The following STRA6 variants were observed in gnomAD, a reference collection of about 807,000 sequenced individuals.
STRA6 encodes the protein signaling receptor and transporter of retinol STRA6.
In STRA6, 48 loss-of-function variants were observed where a neutral mutation model predicts 83.6. The ratio of observed to expected loss-of-function variants is 0.57; its 90% CI spans 0.46 to 0.73. STRA6 has a LOEUF of 0.73. Ranked by LOEUF, STRA6 falls within the 30% of genes least tolerant of loss-of-function variation. STRA6 has a pLI of 0.00. For synonymous variants in STRA6, 353 were observed against 362.3 expected (o/e 0.97, Z 0.29); for missense variants, 760 against 838.8 (o/e 0.91, Z 1.16).
intron 5 of STRA6, 34 bp from the exon 6 acceptor site, chr15:74,195,709 A>G: frequency 1.8e-6 from 2 of 1,138,512 alleles, no homozygotes; most frequent in Non-Finnish European, 2.6e-6. Context: ...TATATTAGCA[A>G]GGGCAAAATG....
At chr15:74,184,844 C>A in intron 13 of STRA6, 136 bp downstream of exon 13, 2 of 837,704 alleles carry the variant, frequency 2.4e-6, no homozygotes, top group Non-Finnish European at 2.0e-6. Context: ...AGCGCAGCCA[C>A]GCACAGGTGG....
chr15:74,182,101 G>C lies in STRA6; in HGVS notation c.1520+60C>G, dbSNP rs1006476396. ...GCAGTGGAGGGAGGACACAAAAAGAGAGAGACACCGAAGAAGAGGCGAGGG... is the reference window on the plus strand; with the variant it reads ...GCAGTGGAGGGAGGACACAAAAAGACAGAGACACCGAAGAAGAGGCGAGGG... On this transcript the variant is annotated intron_variant, in intron 16 of 18. Transcript: ENST00000395105. 2.0e-5 allele frequency: 28 copies of C among 1,422,412 alleles called. No individual in the cohort carries two copies. In the African/African-American group the frequency reaches 3.4e-4, roughly 17 times the overall value. The allele number at this position is 1,422,412 out of a possible 1,614,324, so 88.1% of individuals were successfully genotyped here. A position where few individuals can be genotyped will look rare whatever the true frequency, so the allele number is the denominator to read the frequency against.
At chr15:74,211,320 C>T (rs991012105), upstream of STRA6, among the ~76,000 whole-genome samples, 1 of 151,330 alleles carries the variant, frequency 6.6e-6, no homozygotes, top group African/African-American at 2.4e-5. Flanking sequence ...GGACACACCT[C>T]TCAATACTCT....
At chr15:74,211,647 GC>G (rs372119095), upstream of STRA6, among the ~76,000 whole-genome samples, 267 of 152,052 alleles carry the variant, frequency 1.8e-3, no homozygotes, top group African/African-American at 6.2e-3. Context: ...CAGGTGATCT[GC>G]CCACCTCGGC....
At chr15:74,204,259 G>A (rs1336295025), upstream of STRA6, among the ~76,000 whole-genome samples, 2 of 152,232 alleles carry the variant, frequency 1.3e-5, no homozygotes, top group African/African-American at 2.4e-5. Context: ...CCCGGAGGGC[G>A]GGACTCTATC....
intron 2 of STRA6, among the ~76,000 whole-genome samples, chr15:74,198,898 G>A (rs1264726978): frequency 6.6e-6 from 1 of 152,216 alleles, no homozygotes; most frequent in African/African-American, 2.4e-5. Flanking sequence ...GAAACCCTCC[G>A]CTTCCCCAGC....
chr15:74,203,356 G>A, upstream of STRA6: 1 of 284,038 alleles, frequency 3.5e-6, no homozygotes, highest in Non-Finnish European at 5.3e-6. Flanking sequence ...TTGAGGGTGA[G>A]CAAGGGAAGG....
upstream of STRA6, among the ~76,000 whole-genome samples, chr15:74,205,396 A>AG (rs1379255443): frequency 2.6e-5 from 4 of 152,160 alleles, no homozygotes; most frequent in East Asian, 7.7e-4. Flanking sequence ...TGGAAGGTGA[A>AG]GGGGGGTCAG....
chr15:74,197,866 G>A (rs373383769), intron 2 of STRA6, 48 bp from the exon 3 acceptor site: 98 of 1,598,982 alleles, frequency 6.1e-5, no homozygotes, highest in Non-Finnish European at 7.6e-5. Flanking sequence ...GGCCCCCCTG[G>A]GTGTGCAGAT....
chr15:74,179,930 CAG>C lies in STRA6; in HGVS notation c.*148_*149del. On this transcript the variant is annotated 3_prime_UTR_variant, in exon 19 of 19. Transcript: ENST00000395105. ...CAGAGCCCTCCTGAGGCTCCCAGTG[CAG>C]ACAGACCTCCACCCAACCACAGTGA... The C allele has an allele frequency of 2.8e-6, 3 of 1,063,210 alleles. No homozygotes were observed. Among genetic ancestry groups the C allele is most frequent in the Non-Finnish European group, 4.1e-6 (3 of 726,624 alleles). 65.9% of individuals were successfully genotyped at this position (1,063,210 alleles called of 1,614,324 possible).
At chr15:74,209,444 C>A (rs750020524), upstream of STRA6, 4 of 1,535,408 alleles carry the variant, frequency 2.6e-6, no homozygotes, top group African/African-American at 4.1e-5. Context: ...TCTTAATAAC[C>A]GGATCTGCAT....
At position 74,198,777 on chromosome 15, in the gene STRA6, C is replaced by A. The variant is rs1362002301; in HGVS notation, c.114-959G>T. Among the ~76,000 whole-genome samples, 3 of 152,228 alleles carry A rather than the reference C, an allele frequency of 2.0e-5. No individual in the cohort carries two copies. The East Asian group carries it at 5.8e-4, about 29-fold the overall frequency. On this transcript the variant is annotated intron_variant, in intron 2 of 18. Transcript: ENST00000395105. ...GAGCTGAATGCACCTAACTGGGGATCCCTTTCTCTAATTCCACAGAGGCTC... is the reference window on the plus strand; with the variant it reads ...GAGCTGAATGCACCTAACTGGGGATACCTTTCTCTAATTCCACAGAGGCTC...
intron 1 of STRA6, chr15:74,207,928 G>A (rs2074298610): frequency 6.8e-7 from 1 of 1,467,360 alleles, no homozygotes; most frequent in Non-Finnish European, 9.0e-7. Context: ...GAAGAGTATG[G>A]GTGACTCTCC....
At position 74,202,750 on chromosome 15, in the gene STRA6, G is replaced by T; in HGVS notation, c.-53C>A. The T allele has an allele frequency of 2.4e-6, 3 of 1,225,080 alleles. No homozygotes were observed. Among genetic ancestry groups the T allele is most frequent in the Non-Finnish European group, 3.1e-6 (3 of 983,390 alleles). 75.9% of individuals were successfully genotyped at this position (1,225,080 alleles called of 1,614,324 possible). A position where few individuals can be genotyped will look rare whatever the true frequency, so the allele number is the denominator to read the frequency against. Reference sequence around the variant, plus strand: ...CCAGGGAGGAAGGAGTTGCAGAGATGAAAGGGTAGGCAGCCCACGGCCAGC... The same window carrying T: ...CCAGGGAGGAAGGAGTTGCAGAGATTAAAGGGTAGGCAGCCCACGGCCAGC... On this transcript the variant is annotated 5_prime_UTR_variant, in exon 1 of 19. Coordinates refer to ENST00000395105, the MANE Select transcript of STRA6 (RefSeq NM_022369.4).
chr15:74,198,352 C>T (rs1386952440), intron 2 of STRA6, among the ~76,000 whole-genome samples: 1 of 152,106 alleles, frequency 6.6e-6, no homozygotes, highest in Non-Finnish European at 1.5e-5. Flanking sequence ...CTCAAGCAAT[C>T]CTCATGCCTC....
Position 74,181,422 on chromosome 15 carries a change from G to A in STRA6, c.1557C>T (p.Pro519=). Residue 519 remains proline, a synonymous_variant, in exon 17 of 19, where the codon CCC becomes CCT. Transcript: ENST00000395105. ...VLYAATFLLF[P]LNVLVGAMVA... is the part of the protein sequence containing the mutation. ...CCATGGCACCCACCAGCACATTGAG[G>A]GGGAAGAGAAGAAAGGTGGCTGCAT... 1.2e-6 allele frequency: 2 copies of A among 1,613,612 alleles called. No individual in the cohort carries two copies. Among genetic ancestry groups the A allele is most frequent in the South Asian group, 1.1e-5 (1 of 91,004 alleles).
At chr15:74,202,603 G>T in intron 1 of STRA6, 110 bp downstream of exon 1, 1 of 1,454,036 alleles carries the variant, frequency 6.9e-7, no homozygotes, top group Admixed American at 2.8e-5. Context: ...ACCAGCAGGC[G>T]TGTGTTCAAA....
rs537412933 is a variant in STRA6, at chr15:74,187,102, G to A, written c.1090+2013C>T. 3.9e-5 allele frequency among the ~76,000 whole-genome samples: 6 copies of A among 152,348 alleles called. No homozygotes were observed. In the East Asian group the frequency reaches 1.2e-3, roughly 29 times the overall value. ...AGCGAGGGCACATTCTGGACCATTT[G>A]CTGCCAGGAGGTGAACAGCCCGCCT... On this transcript the variant is annotated intron_variant, in intron 12 of 18. Transcript: ENST00000395105.
intron 1 of STRA6, chr15:74,208,654 G>A: frequency 1.0e-6 from 1 of 957,362 alleles, no homozygotes; most frequent in Non-Finnish European, 1.2e-6. Flanking sequence ...TTACTCATCA[G>A]AATTGCTCCA....
Sources: allele counts gnomAD v4.1 joint callset (sites outside exome capture counted in the v4.1 genomes callset), GRCh38; gene constraint gnomAD v4.1.1; transcripts MANE v1.5; gene names NCBI Gene and HGNC (gene_info 2026-07-23, HGNC 2026-07-21).